The following TOM1L1 variants were observed in gnomAD, a reference collection of about 807,000 sequenced individuals.
The protein encoded by TOM1L1 is TOM1-like protein 1.
In TOM1L1, 64 loss-of-function variants were observed where a neutral mutation model predicts 63.4. That is an observed-to-expected ratio of 1.01 (90% CI 0.83 to 1.24). The LOEUF (loss-of-function observed/expected upper bound fraction) is 1.24, where lower values mean the gene tolerates loss of function less well. TOM1L1 is among the 50% of genes most tolerant of loss of function. The probability of loss-of-function intolerance (pLI) is 0.00; values close to 1 mark genes in which losing one functional copy is unlikely to be tolerated. For synonymous variants in TOM1L1, 166 were observed against 194.4 expected (o/e 0.85, Z 1.22); for missense variants, 536 against 567.0 (o/e 0.95, Z 0.55).
rs2048962034 is a variant in TOM1L1 at position 54,937,134 on chromosome 17, C to T, written c.941C>T (p.Ser314Phe). 6.2e-7 allele frequency: 1 copy of T among 1,611,820 alleles called. No homozygotes were observed. Among genetic ancestry groups the T allele is most frequent in the African/African-American group, 1.3e-5 (1 of 74,452 alleles). ...ACTACCAGTGAGCCTTCTGCCCCAT[C>T]TCAAGATCTCCTCGACCTAAGTCCC... ...TNTTSEPSAPSQDLLDLSPSP... is the reference protein window; with the variant it reads ...TNTTSEPSAPFQDLLDLSPSP... The change falls in exon 10 of 16, where the codon TCT (serine) becomes TTT (phenylalanine). Residue 314 changes from serine (S) to phenylalanine (F), a missense_variant. Transcript: ENST00000575882.
chr17:54,959,661 A>T (rs2077061448), intron 14 of TOM1L1, among the ~76,000 whole-genome samples: 1 of 143,838 alleles, frequency 7.0e-6, no homozygotes, highest in African/African-American at 2.6e-5. Context: ...TCTGTAGCCC[A>T]GGCTGGAGTG....
At chr17:54,951,724 T>TA (rs1330206266) in intron 14 of TOM1L1, among the ~76,000 whole-genome samples, 1 of 152,226 alleles carries the variant, frequency 6.6e-6, no homozygotes, top group African/African-American at 2.4e-5. Context: ...ATCATTTAGA[T>TA]ACTCTGTCAA....
chr17:54,945,466 GTCTT>G (rs2049102490), intron 11 of TOM1L1, among the ~76,000 whole-genome samples: 1 of 152,166 alleles, frequency 6.6e-6, no homozygotes, highest in South Asian at 2.1e-4. Context: ...CAGAACTACA[GTCTT>G]TCTGCTCTCC....
intron 14 of TOM1L1, among the ~76,000 whole-genome samples, chr17:54,950,450 CA>C (rs1355677068): frequency 2.0e-5 from 3 of 152,152 alleles, no homozygotes; most frequent in African/African-American, 7.2e-5. Context: ...TGATTGGTGA[CA>C]TAAGTTTATG....
At chr17:54,953,831 G>A (rs1306985865) in intron 14 of TOM1L1, 1 of 152,176 alleles carries the variant, frequency 6.6e-6, no homozygotes, top group African/African-American at 2.4e-5. Context: ...AGTTTTCTCT[G>A]AATATCTGGG....
chr17:54,937,350 G>C (rs991798086), intron 10 of TOM1L1, 124 bp downstream of exon 10: 4 of 774,200 alleles, frequency 5.2e-6, no homozygotes, highest in East Asian at 2.5e-5. Context: ...AGAGCGCTAT[G>C]TTAGGAGATG....
At chr17:54,958,369 CAT>C (rs1226840398) in intron 14 of TOM1L1, 4 of 152,160 alleles carry the variant, frequency 2.6e-5, no homozygotes, top group South Asian at 2.1e-4. Context: ...TTGAAAAGCA[CAT>C]GAGAGATTAA....
chr17:54,938,260 G>A (rs1323066528), intron 10 of TOM1L1, among the ~76,000 whole-genome samples: 2 of 152,090 alleles, frequency 1.3e-5, no homozygotes, highest in East Asian at 1.9e-4. Flanking sequence ...TTGGGAGGCC[G>A]AGTCAGGTGG....
rs1464356822 is a variant in TOM1L1, at chr17:54,960,698, TTTAG to T, written c.*1+73_*1+76del. On this transcript the variant is annotated intron_variant, in intron 15 of 15. Coordinates refer to ENST00000575882, the MANE Select transcript of TOM1L1 (RefSeq NM_005486.3). ...TTCAGTATAATTATCACTTTACATA[TTTAG>T]TATTTAAATTTTCTAAGGGCCATCT... 4.9e-6 allele frequency: 6 copies of T among 1,223,374 alleles called. No homozygotes were observed. In the African/African-American group the frequency reaches 7.5e-5, roughly 15 times the overall value. 75.8% of individuals were successfully genotyped at this position (1,223,374 alleles called of 1,614,324 possible).
Position 54,900,852 on chromosome 17 carries a change from C to A in TOM1L1, c.-14C>A. The A allele has an allele frequency of 6.2e-7, 1 of 1,613,122 alleles. No homozygotes were observed. Among genetic ancestry groups the A allele is most frequent in the Non-Finnish European group, 8.5e-7 (1 of 1,180,016 alleles). The stretch of plus-strand genomic sequence containing the variant: ...TGGAGGCGGATTTCCTGGGCCCGGC[C>A]CTCTGGCGCTACCATGGCGTTTGGC... On this transcript the variant is annotated 5_prime_UTR_variant, in exon 1 of 16. Transcript: ENST00000575882.
In TOM1L1 at chr17:54,900,862, T is replaced by C. The variant is rs754345519; in HGVS notation, c.-4T>C. On this transcript the variant is annotated 5_prime_UTR_variant, in exon 1 of 16. Transcript: ENST00000575882. The stretch of plus-strand genomic sequence containing the variant: ...TTTCCTGGGCCCGGCCCTCTGGCGC[T>C]ACCATGGCGTTTGGCAAGAGTCACC... 3.7e-6 allele frequency: 6 copies of C among 1,613,450 alleles called. 1 individual carries two copies. The South Asian group carries it at 6.6e-5, about 18-fold the overall frequency.
At chr17:54,945,730 T>C (rs1037624614) in intron 11 of TOM1L1, among the ~76,000 whole-genome samples, 2 of 152,170 alleles carry the variant, frequency 1.3e-5, no homozygotes, top group African/African-American at 4.8e-5. Context: ...TTTTGGTTCT[T>C]TATATCTTGT....
Position 54,961,234 on chromosome 17 carries a change from GAAGA to G in TOM1L1, c.*5_*8del. On this transcript the variant is annotated splice_region_variant and 3_prime_UTR_variant, in exon 16 of 16. Coordinates refer to ENST00000575882, the MANE Select transcript of TOM1L1 (RefSeq NM_005486.3). ...TGGCCATTTTCTTCTCTTTATTTTA[GAAGA>G]AAGTGGATGATCAGCTCACTACCAC... The G allele has an allele frequency of 6.5e-7, 1 of 1,527,968 alleles. No homozygotes were observed. Among genetic ancestry groups the G allele is most frequent in the Non-Finnish European group, 8.9e-7 (1 of 1,125,410 alleles). 94.7% of individuals were successfully genotyped at this position (1,527,968 alleles called of 1,614,324 possible).
chr17:54,929,952 G>A, intron 7 of TOM1L1, 121 bp from the exon 8 acceptor site: 1 of 1,182,536 alleles, frequency 8.5e-7, no homozygotes, highest in South Asian at 1.4e-5. Context: ...AAGTACTTTG[G>A]TAGTGCCCCA....
intron 3 of TOM1L1, among the ~76,000 whole-genome samples, chr17:54,907,367 A>G (rs1033622059): frequency 6.6e-6 from 1 of 152,160 alleles, no homozygotes; most frequent in African/African-American, 2.4e-5. Context: ...AGACTAACAG[A>G]AACAGATTTA....
Position 54,912,770 on chromosome 17 carries a change from C to A in TOM1L1, c.327C>A (p.Tyr109Ter). 1 of 1,611,704 alleles carries A rather than the reference C, an allele frequency of 6.2e-7. No homozygotes were observed. Among genetic ancestry groups the A allele is most frequent in the Non-Finnish European group, 8.5e-7 (1 of 1,179,322 alleles). ...TAGTTAAGCTACTGAATCCCAGATA[C>A]AACTTGCCATTAGACATTCAGAATA... is the stretch of plus-strand genomic sequence containing the variant. ...ENLVKLLNPR[Y>*]NLPLDIQNRI... The change falls in exon 4 of 16, where the codon TAC (tyrosine) becomes TAA (stop). Residue 109 changes from tyrosine to a stop codon, truncating the protein, a stop_gained. Transcript: ENST00000575882. LOFTEE classifies it high-confidence loss of function.
In TOM1L1 at chr17:54,930,042, G is replaced by A. The variant is rs755670106; in HGVS notation, c.721-31G>A. On this transcript the variant is annotated intron_variant, in intron 7 of 15. Transcript: ENST00000575882. ...GTCTTTATAGAATGTTCCAAGTGTG[G>A]AAGAAGAAATCTCTCTCCTTTCTTT... 5.9e-5 allele frequency: 96 copies of A among 1,613,618 alleles called. No homozygotes were observed. The East Asian group carries it at 2.0e-3, about 34-fold the overall frequency.
chr17:54,909,360 A>G (rs1434011092), intron 3 of TOM1L1, among the ~76,000 whole-genome samples: 1 of 152,146 alleles, frequency 6.6e-6, no homozygotes, highest in Non-Finnish European at 1.5e-5. Flanking sequence ...GGGTGTCATC[A>G]TAGAGTGGGG....
intron 3 of TOM1L1, among the ~76,000 whole-genome samples, chr17:54,908,540 G>A (rs181385399): frequency 7.0e-4 from 107 of 152,306 alleles, no homozygotes; most frequent in Non-Finnish European, 1.8e-4. Context: ...GTAAAGTGAT[G>A]AGAGCCTGTC....
Sources: allele counts gnomAD v4.1 joint callset (sites outside exome capture counted in the v4.1 genomes callset), GRCh38; gene constraint gnomAD v4.1.1; transcripts MANE v1.5; gene names NCBI Gene and HGNC (gene_info 2026-07-23, HGNC 2026-07-21).